ADAM33: variants seen among roughly 807,000 people sequenced by gnomAD.
The protein encoded by ADAM33 is ADAM metallopeptidase domain 33.
In ADAM33, 103 loss-of-function variants were observed where a neutral mutation model predicts 106.2. The observed-to-expected ratio is 0.97, with a 90% CI of 0.83 to 1.14. The LOEUF (loss-of-function observed/expected upper bound fraction) is 1.14, where lower values mean the gene tolerates loss of function less well. Ranked by LOEUF, ADAM33 falls within the 50% of genes most tolerant of loss-of-function variation. The pLI is 0.00. For synonymous variants in ADAM33, 483 were observed against 453.0 expected, an observed-to-expected ratio of 1.07 and a Z score of -0.84; for missense variants, 1,120 against 1,096.6, an observed-to-expected ratio of 1.02 and a Z score of -0.30.
Position 3,678,583 on chromosome 20 carries a change from G to A in ADAM33, c.177+909C>T, listed in dbSNP as rs115306603. ...GTTGGGAGCTGCTGGGTCTCTGGGG[G>A]CCTCTCAGCCTTCATGGCAATGCTC... On this transcript the variant is annotated intron_variant, in intron 2 of 21. Transcript: ENST00000356518. 1.5e-3 allele frequency among the ~76,000 whole-genome samples: 224 copies of A among 152,334 alleles called. 1 individual carries two copies. Among genetic ancestry groups the A allele is most frequent in the African/African-American group, 5.1e-3 (213 of 41,582 alleles).
chr20:3,674,963 A>G, intron 4 of ADAM33, 64 bp downstream of exon 4: 1 of 1,610,430 alleles, frequency 6.2e-7, no homozygotes, highest in Non-Finnish European at 8.5e-7. Flanking sequence ...AAGGAGGAGT[A>G]GGGGTAGGAA....
At chr20:3,674,748 C>A in intron 5 of ADAM33, 25 bp downstream of exon 5, 1 of 1,596,848 alleles carries the variant, frequency 6.3e-7, no homozygotes. Flanking sequence ...CCATCCCAGG[C>A]CCAGCCTCCT....
intron 21 of ADAM33, 103 bp downstream of exon 21, chr20:3,669,196 C>T: frequency 3.2e-6 from 4 of 1,250,758 alleles, no homozygotes; most frequent in South Asian, 1.4e-5. Context: ...TCCATAATAA[C>T]CTGAGCCCAG....
At chr20:3,669,822 G>A in intron 19 of ADAM33, 185 bp from the exon 20 acceptor site, 1 of 697,664 alleles carries the variant, frequency 1.4e-6, no homozygotes, top group Non-Finnish European at 2.6e-6. Context: ...TTGGGATCCA[G>A]GCTCCAAGTG....
At position 3,671,796 on chromosome 20, in the gene ADAM33, G is replaced by A. The variant is rs2087551864; in HGVS notation, c.1707-17C>T. 2 of 1,554,662 alleles carry A rather than the reference G, an allele frequency of 1.3e-6. No homozygotes were observed. Among genetic ancestry groups the A allele is most frequent in the Non-Finnish European group, 1.7e-6 (2 of 1,149,024 alleles). On this transcript the variant is annotated splice_polypyrimidine_tract_variant and intron_variant, in intron 15 of 21. Coordinates refer to ENST00000356518, the MANE Select transcript of ADAM33 (RefSeq NM_025220.5). The stretch of plus-strand genomic sequence containing the variant: ...AGGGCATCCCTGGGGAGGAAGTAGA[G>A]GGGGGTCAACAGCTGCAGTACCCCC...
intron 1 of ADAM33, 121 bp downstream of exon 1, chr20:3,681,787 C>A: frequency 7.2e-7 from 1 of 1,382,280 alleles, no homozygotes; most frequent in Non-Finnish European, 9.4e-7. Flanking sequence ...ACCTACTGGC[C>A]GTATGGTGCC....
intron 1 of ADAM33, among the ~76,000 whole-genome samples, chr20:3,681,221 G>T (rs1403739745): frequency 2.0e-5 from 3 of 152,210 alleles, no homozygotes; most frequent in Non-Finnish European, 4.4e-5. Flanking sequence ...TGCAGAGGTT[G>T]TTCCAGCCCC....
At chr20:3,674,986 A>G in intron 4 of ADAM33, 41 bp downstream of exon 4, 3 of 1,612,266 alleles carry the variant, frequency 1.9e-6, no homozygotes, top group Non-Finnish European at 2.5e-6. Context: ...GTGGGGGGGT[A>G]CCTCTGGCGG....
Position 3,671,160 on chromosome 20 carries a change from G to A in ADAM33, c.2093-7C>T. 6.2e-7 allele frequency: 1 copy of A among 1,613,170 alleles called. No homozygotes were observed. The highest frequency in any genetic ancestry group is 2.2e-5 in the East Asian group (1 of 44,856). On this transcript the variant is annotated splice_polypyrimidine_tract_variant and splice_region_variant and intron_variant, in intron 18 of 21. Transcript: ENST00000356518. ...AGCAGGAAGGTGTCATGGTCTGCGG[G>A]GATTGGGGGAAGGGGCGCTGAGTCC...
intron 1 of ADAM33, among the ~76,000 whole-genome samples, chr20:3,680,146 C>G (rs926219948): frequency 6.6e-6 from 1 of 152,134 alleles, no homozygotes; most frequent in South Asian, 2.1e-4. Context: ...CGCTTCTGGA[C>G]GGAGCCTTGG....
At chr20:3,680,884 G>A (rs2088435169) in intron 1 of ADAM33, among the ~76,000 whole-genome samples, 1 of 152,154 alleles carries the variant, frequency 6.6e-6, no homozygotes, top group Non-Finnish European at 1.5e-5. Flanking sequence ...GCTGGAGCTG[G>A]AGCTCCGGTG....
chr20:3,681,035 C>A lies in ADAM33; in HGVS notation c.97+873G>T, dbSNP rs557618497. Among the ~76,000 whole-genome samples the A allele has an allele frequency of 2.7e-4, 41 of 152,250 alleles. No individual in the cohort carries two copies. The South Asian group carries it at 7.7e-3, about 28-fold the overall frequency. ...GGAGCAGTGGACCGCCTGGGGCCCT[C>A]CCCTGGGGCCAGAACAGACCAGGCC... On this transcript the variant is annotated intron_variant, in intron 1 of 21. Transcript: ENST00000356518.
At chr20:3,673,083 C>T (rs1469954584) in intron 11 of ADAM33, 185 bp from the exon 12 acceptor site, 5 of 1,449,922 alleles carry the variant, frequency 3.4e-6, no homozygotes, top group Middle Eastern at 2.3e-4. Flanking sequence ...GTGAGCAGCC[C>T]GGGACCCAAG....
chr20:3,673,165 T>G, intron 11 of ADAM33, 189 bp downstream of exon 11: 2 of 1,504,600 alleles, frequency 1.3e-6, no homozygotes, highest in Admixed American at 4.2e-5. Context: ...AAAATAATCT[T>G]CATACCGTTG....
Position 3,671,094 on chromosome 20 carries a change from C to T in ADAM33, c.2152G>A (p.Ala718Thr), listed in dbSNP as rs548377810. 9 of 1,593,122 alleles carry T rather than the reference C, an allele frequency of 5.6e-6. No homozygotes were observed. The highest frequency in any genetic ancestry group is 1.1e-5 in the South Asian group (1 of 88,548). Residue 718 changes from alanine to threonine, a missense_variant, in exon 19 of 22, where the codon GCC (alanine) becomes ACC (threonine). By Grantham distance (58) the Ala-to-Thr change is moderately conservative. Coordinates refer to ENST00000356518, the MANE Select transcript of ADAM33 (RefSeq NM_025220.5). The part of the protein sequence containing the change: ...LSVLLPLLPG[A>T]GLAWCCYRLP... The stretch of plus-strand genomic sequence containing the variant: ...CGGTAGCAACACCAGGCCAGGCCGG[C>T]CCCTGGGAGCAGAGGCAGCAGGACG...
chr20:3,680,366 GAACA>G (rs1347459309), intron 1 of ADAM33, among the ~76,000 whole-genome samples: 2 of 152,252 alleles, frequency 1.3e-5, no homozygotes, highest in African/African-American at 4.8e-5. Flanking sequence ...CCAGCTCCCA[GAACA>G]GACAGCCTCC....
In ADAM33 at chr20:3,672,535, A is replaced by G; in HGVS notation, c.1401+2T>C. ...CTCACCCTGAACCTTCCATGCCCTC[A>G]CCAGGCAGCGCACGCAGCAGTCCCC... On this transcript the variant is annotated splice_donor_variant, in intron 13 of 21. Coordinates refer to ENST00000356518, the MANE Select transcript of ADAM33 (RefSeq NM_025220.5). LOFTEE classifies it high-confidence loss of function. 6.2e-7 allele frequency: 1 copy of G among 1,613,096 alleles called. No homozygotes were observed. The highest frequency in any genetic ancestry group is 8.5e-7 in the Non-Finnish European group (1 of 1,179,622).
chr20:3,671,816 A>G (rs770101789), intron 15 of ADAM33, 37 bp from the exon 16 acceptor site: 39 of 1,550,962 alleles, frequency 2.5e-5, no homozygotes, highest in Non-Finnish European at 3.3e-5. Flanking sequence ...CAGCTGCAGT[A>G]CCCCCCTTCC....
At chr20:3,670,642 C>T in intron 19 of ADAM33, 1 of 234,368 alleles carries the variant, frequency 4.3e-6, no homozygotes, top group Non-Finnish European at 8.4e-6. Context: ...GAGACAGAGG[C>T]TGGACAGGCC....
Sources: gnomAD v4.1 joint callset for allele counts (sites outside exome capture counted in the v4.1 genomes callset) on GRCh38, gnomAD v4.1.1 for gene constraint, MANE v1.5 for transcripts, NCBI Gene and HGNC (gene_info 2026-07-23, HGNC 2026-07-21) for gene names.